The following AUTS2 variants were observed in gnomAD, a reference collection of about 807,000 sequenced individuals.
The protein encoded by AUTS2 is activator of transcription and developmental regulator AUTS2.
A neutral mutation model predicts 112.4 loss-of-function variants in AUTS2; 17 were observed. The ratio of observed to expected loss-of-function variants is 0.15; its 90% confidence interval spans 0.10 to 0.23. The LOEUF (loss-of-function observed/expected upper bound fraction) is 0.23. AUTS2 is among the 10% of genes least tolerant of loss of function. The pLI is 1.00. For missense variants in AUTS2, 1,510 were observed against 1,701.6 expected, an observed-to-expected ratio of 0.89 and a Z score of 1.98; for synonymous variants, 751 against 702.7, an observed-to-expected ratio of 1.07 and a Z score of -1.09.
At chr7:70,362,439 A>G (rs1368685667) in intron 4 of AUTS2, among the ~76,000 whole-genome samples, 1 of 152,180 alleles carries the variant, frequency 6.6e-6, no homozygotes, top group Non-Finnish European at 1.5e-5. Context: ...AGACATTCAA[A>G]TCCTGAAATA....
chr7:70,624,121 T>G (rs1804819110), intron 5 of AUTS2, among the ~76,000 whole-genome samples: 1 of 152,196 alleles, frequency 6.6e-6, no homozygotes, highest in South Asian at 2.1e-4. Flanking sequence ...TATTGATAAT[T>G]TTAAAAAATC....
At chr7:69,761,606 A>G (rs1990444) in intron 1 of AUTS2, among the ~76,000 whole-genome samples, 130,499 of 152,128 alleles carry the variant, frequency 0.86, 56,342 homozygotes, top group African/African-American at 0.96. Flanking sequence ...AGAAAATGTG[A>G]CAGGACATGG....
chr7:70,659,651 C>G (rs73451619), intron 5 of AUTS2, among the ~76,000 whole-genome samples: 1,584 of 152,290 alleles, frequency 0.01, 30 homozygotes, highest in African/African-American at 0.037. Context: ...GTTGTGGGAC[C>G]TGGAACTGTT....
intron 5 of AUTS2, among the ~76,000 whole-genome samples, chr7:70,646,312 G>A (rs545634066): frequency 7.2e-5 from 11 of 152,222 alleles, no homozygotes; most frequent in Non-Finnish European, 1.5e-4. Flanking sequence ...GGTTAAGGCA[G>A]AGTCCATGGG....
chr7:69,745,476 T>G (rs1429928206), intron 1 of AUTS2, among the ~76,000 whole-genome samples: 2 of 152,220 alleles, frequency 1.3e-5, no homozygotes, highest in South Asian at 2.1e-4. Context: ...CTGTTACCAC[T>G]GCATCAGAGC....
chr7:70,117,127 G>GTTTTTTTT (rs1491008028), intron 2 of AUTS2, among the ~76,000 whole-genome samples: 2 of 62,776 alleles, frequency 3.2e-5, no homozygotes, highest in Non-Finnish European at 6.4e-5. Context: ...GTTTTTTTTT[G>GTTTTTTTT]TTTTTTTTTG....
chr7:70,366,549 C>G (rs150617551), intron 4 of AUTS2, among the ~76,000 whole-genome samples: 124 of 152,180 alleles, frequency 8.1e-4, no homozygotes, highest in African/African-American at 2.5e-3. Flanking sequence ...GATTAGGCCC[C>G]AAATCCTCCA....
intron 2 of AUTS2, among the ~76,000 whole-genome samples, chr7:70,105,446 A>AT (rs1015461218): frequency 2.6e-5 from 4 of 152,070 alleles, no homozygotes; most frequent in Non-Finnish European, 5.9e-5. Flanking sequence ...TTTTTTAGTG[A>AT]TTGAGTCTTG....
intron 6 of AUTS2, among the ~76,000 whole-genome samples, chr7:70,717,450 G>A (rs1318066227): frequency 6.6e-6 from 1 of 152,142 alleles, no homozygotes; most frequent in African/African-American, 2.4e-5. Context: ...GCCTCCCAAA[G>A]CATCGAGCTC....
intron 4 of AUTS2, among the ~76,000 whole-genome samples, chr7:70,359,574 C>T (rs917539692): frequency 2.6e-5 from 4 of 152,116 alleles, no homozygotes; most frequent in Admixed American, 6.5e-5. Flanking sequence ...ACCCAAGGGG[C>T]GCCCTTGCTT....
At chr7:70,145,687 G>A (rs1043215987) in intron 4 of AUTS2, among the ~76,000 whole-genome samples, 1 of 152,052 alleles carries the variant, frequency 6.6e-6, no homozygotes, top group African/African-American at 2.4e-5. Flanking sequence ...GAATACAGAA[G>A]GGATAAGTTC....
intron 4 of AUTS2, among the ~76,000 whole-genome samples, chr7:70,414,070 G>A (rs1794893216): frequency 1.3e-5 from 2 of 152,194 alleles, no homozygotes; most frequent in Admixed American, 6.5e-5. Flanking sequence ...CTAAGGAGCT[G>A]CGTAACATTT....
intron 2 of AUTS2, among the ~76,000 whole-genome samples, chr7:69,979,786 G>T (rs542689384): frequency 1.2e-4 from 19 of 152,194 alleles, no homozygotes; most frequent in Admixed American, 3.9e-4. Context: ...CTTGTTGAAA[G>T]GCTGCCTGCT....
At chr7:70,388,517 T>G (rs1258570264) in intron 4 of AUTS2, among the ~76,000 whole-genome samples, 1 of 152,244 alleles carries the variant, frequency 6.6e-6, no homozygotes, top group African/African-American at 2.4e-5. Flanking sequence ...ACACTATTAT[T>G]ATTTTCAGTC....
intron 5 of AUTS2, among the ~76,000 whole-genome samples, chr7:70,660,568 C>T (rs1807017465): frequency 6.6e-6 from 1 of 152,234 alleles, no homozygotes; most frequent in African/African-American, 2.4e-5. Flanking sequence ...AGGCCCACCC[C>T]TTCCTTTGTC....
intron 1 of AUTS2, among the ~76,000 whole-genome samples, chr7:69,704,401 C>A (rs1797961481): frequency 6.6e-6 from 1 of 152,088 alleles, no homozygotes; most frequent in Non-Finnish European, 1.5e-5. Context: ...CCTCAGCCTC[C>A]CGAGTAGCTG....
At chr7:70,361,288 G>C (rs1023638467) in intron 4 of AUTS2, among the ~76,000 whole-genome samples, 1 of 151,836 alleles carries the variant, frequency 6.6e-6, no homozygotes, top group Non-Finnish European at 1.5e-5. Flanking sequence ...AGCCGAGATC[G>C]CGCCACTGCA....
chr7:70,496,564 A>C (rs868862536), intron 5 of AUTS2, among the ~76,000 whole-genome samples: 21 of 78,406 alleles, frequency 2.7e-4, no homozygotes, highest in Admixed American at 9.2e-4. Flanking sequence ...ACACACACAC[A>C]CCCCACACAT....
At chr7:70,743,858 A>G (rs928851773) in intron 6 of AUTS2, among the ~76,000 whole-genome samples, 13 of 152,302 alleles carry the variant, frequency 8.5e-5, no homozygotes, top group African/African-American at 2.6e-4. Context: ...CCCATTGGCC[A>G]TGGTCACTTT....
Sources: allele counts gnomAD v4.1 joint callset (sites outside exome capture counted in the v4.1 genomes callset), GRCh38; gene constraint gnomAD v4.1.1; transcripts MANE v1.5; gene names NCBI Gene and HGNC (gene_info 2026-07-23, HGNC 2026-07-21).